Variants in MARCHF7 observed in about 807,000 individuals in gnomAD.
MARCHF7 encodes the protein membrane associated ring-CH-type finger 7, also known as E3 ubiquitin-protein ligase MARCHF7.
Under a neutral mutation model 76.5 loss-of-function variants are expected in MARCHF7, and 20 were observed. The observed-to-expected ratio is 0.26, with a 90% CI of 0.18 to 0.38. MARCHF7 has a LOEUF of 0.38. Ranked by LOEUF, MARCHF7 falls within the 10% of genes least tolerant of loss-of-function variation. MARCHF7 has a pLI of 1.00. For synonymous variants in MARCHF7, 295 were observed against 293.0 expected, an observed-to-expected ratio of 1.01 and a Z score of -0.07; for missense variants, 797 against 812.9, an observed-to-expected ratio of 0.98 and a Z score of 0.24.
intron 5 of MARCHF7, among the ~76,000 whole-genome samples, chr2:159,743,903 G>A (rs59231221): frequency 0.33 from 47,685 of 146,614 alleles, 9,505 homozygotes; most frequent in Admixed American, 0.49. Flanking sequence ...GCAAGACTCT[G>A]TTTCTTAAAC....
At chr2:159,735,217 T>A (rs1019170254) in intron 4 of MARCHF7, among the ~76,000 whole-genome samples, 1 of 152,204 alleles carries the variant, frequency 6.6e-6, no homozygotes, top group African/African-American at 2.4e-5. Context: ...GTCAAGTCAT[T>A]AACTCATGGA....
intron 1 of MARCHF7, among the ~76,000 whole-genome samples, chr2:159,714,171 A>G (rs62173022): frequency 0.074 from 11,342 of 152,274 alleles, 873 homozygotes; most frequent in African/African-American, 0.19. Context: ...TATCTGCTCT[A>G]TGTTCAAGAA....
intron 4 of MARCHF7, among the ~76,000 whole-genome samples, chr2:159,736,520 T>A (rs1003058003): frequency 6.6e-6 from 1 of 152,236 alleles, no homozygotes; most frequent in African/African-American, 2.4e-5. Context: ...ACAAGCTCCT[T>A]ATTGGATACA....
intron 8 of MARCHF7, among the ~76,000 whole-genome samples, chr2:159,755,297 TG>T (rs35866637): frequency 0.34 from 52,311 of 151,884 alleles, 9,202 homozygotes; most frequent in South Asian, 0.44. Context: ...TGAACTGAGT[TG>T]GTGACTGAGG....
chr2:159,756,706 A>C (rs1352219115), intron 8 of MARCHF7, among the ~76,000 whole-genome samples: 5 of 151,084 alleles, frequency 3.3e-5, no homozygotes, highest in South Asian at 2.1e-4. Flanking sequence ...AAAAAAAAAA[A>C]AAAAAAAACA....
intron 3 of MARCHF7, among the ~76,000 whole-genome samples, chr2:159,722,894 T>G (rs1197047923): frequency 6.6e-6 from 1 of 152,194 alleles, no homozygotes; most frequent in East Asian, 1.9e-4. Flanking sequence ...GAGGTTTGTT[T>G]TAAGCAGATT....
At chr2:159,732,279 A>G (rs1473359896) in intron 4 of MARCHF7, among the ~76,000 whole-genome samples, 1 of 152,178 alleles carries the variant, frequency 6.6e-6, no homozygotes, top group African/African-American at 2.4e-5. Flanking sequence ...CAAACATCCA[A>G]AAACCAAGTA....
chr2:159,748,348 G>T lies in MARCHF7; in HGVS notation c.1058G>T (p.Arg353Leu), dbSNP rs771933297. 5.0e-6 allele frequency: 8 copies of T among 1,613,536 alleles called. No homozygotes were observed. The highest frequency in any genetic ancestry group is 5.9e-6 in the Non-Finnish European group (7 of 1,179,994). Residue 353 changes from arginine (R) to leucine (L), a missense_variant, in exon 7 of 12, where the codon CGA (arginine) becomes CTA (leucine). This residue lies in a region of MARCHF7 where 643 missense variants were observed against 631.5 expected (regional missense o/e 1.02). Transcript: ENST00000409175. ...EASQGFRFLR[R>L]RWGLSSLSHN... ...TCTCAGGGATTTCGATTTCTTAGGCGAAGATGGGGTTTGTCATCTCTTAGC... is the reference window on the plus strand; with the variant it reads ...TCTCAGGGATTTCGATTTCTTAGGCTAAGATGGGGTTTGTCATCTCTTAGC...
rs901185480 is a variant in MARCHF7, at chr2:159,743,043, A to G, written c.154-18A>G. 6.3e-7 allele frequency: 1 copy of G among 1,597,564 alleles called. No homozygotes were observed. Among genetic ancestry groups the G allele is most frequent in the Middle Eastern group, 1.7e-4 (1 of 5,974 alleles). On this transcript the variant is annotated intron_variant, in intron 4 of 11. Coordinates refer to ENST00000409175, the MANE Select transcript of MARCHF7 (RefSeq NM_001282805.2). ...AATGCAGCCTTTTGTTGTTTAAAAA[A>G]TTTTTTTGAACTCACAGTCTACATC...
rs764164272 is a variant in MARCHF7 at position 159,745,974 on chromosome 2, T to A, written c.514+37T>A. On this transcript the variant is annotated intron_variant, in intron 6 of 11. Transcript: ENST00000409175. Reference sequence around the variant, plus strand: ...TTACATCAAGTATAACTTCTCATAATGTTCCATTTTCCTCTTTATGCATGT... The same window carrying A: ...TTACATCAAGTATAACTTCTCATAAAGTTCCATTTTCCTCTTTATGCATGT... 48 of 1,552,998 alleles carry A rather than the reference T, an allele frequency of 3.1e-5. No homozygotes were observed. In the East Asian group the frequency reaches 1.1e-3, roughly 35 times the overall value.
rs1553788840 is a variant in MARCHF7 at position 159,767,239 on chromosome 2, A to G, written c.2057-45A>G. 1.6e-5 allele frequency: 22 copies of G among 1,392,260 alleles called. 1 individual carries two copies. The South Asian group carries it at 2.6e-4, about 16-fold the overall frequency. 86.2% of individuals were successfully genotyped at this position (1,392,260 alleles called of 1,614,324 possible). A position where few individuals can be genotyped will look rare whatever the true frequency, so the allele number is the denominator to read the frequency against. On this transcript the variant is annotated intron_variant, in intron 11 of 11. Coordinates refer to ENST00000409175, the MANE Select transcript of MARCHF7 (RefSeq NM_001282805.2). ...CTTCATATTTACACTTCCCATTCTT[A>G]TCCCCCTTAAAATCATTCTTGATCA...
chr2:159,764,255 T>TGTGTGTGTGTGTGCGCGCGCGC (rs10592175), intron 10 of MARCHF7, among the ~76,000 whole-genome samples: 1 of 131,370 alleles, frequency 7.6e-6, no homozygotes, highest in African/African-American at 3.0e-5. Context: ...TGTGTGTGTG[T>TGTGTGTGTGTGTGCGCGCGCGC]GCGCGCGCCC....
At chr2:159,762,799 G>A (rs1707273132) in intron 9 of MARCHF7, 81 bp from the exon 10 acceptor site, 1 of 734,104 alleles carries the variant, frequency 1.4e-6, no homozygotes, top group Admixed American at 2.3e-5. Flanking sequence ...GTTTATCAGT[G>A]TACTGTGAGT....
At position 159,730,569 on chromosome 2, in the gene MARCHF7, G is replaced by A. The variant is rs545966525; in HGVS notation, c.153+1394G>A. ...ATTTTATTTTAAACTGCAGCTCAGCGGAACCTAGTCTCATTTTAAATGTCA... is the reference window on the plus strand; with the variant it reads ...ATTTTATTTTAAACTGCAGCTCAGCAGAACCTAGTCTCATTTTAAATGTCA... On this transcript the variant is annotated intron_variant, in intron 4 of 11. Transcript: ENST00000409175. 3.5e-4 allele frequency among the ~76,000 whole-genome samples: 54 copies of A among 152,194 alleles called. No homozygotes were observed. The South Asian group carries it at 4.8e-3, about 13-fold the overall frequency.
At chr2:159,764,554 CCTATA>C in intron 10 of MARCHF7, 67 bp from the exon 11 acceptor site, 4 of 1,227,618 alleles carry the variant, frequency 3.3e-6, no homozygotes, top group Non-Finnish European at 4.6e-6. Flanking sequence ...AAATGAATCT[CCTATA>C]CTGATTCTCT....
At chr2:159,733,983 C>G in intron 4 of MARCHF7, 1 of 1,315,462 alleles carries the variant, frequency 7.6e-7, no homozygotes, top group East Asian at 2.8e-5. Flanking sequence ...CTGCGCTTCA[C>G]CTGCTACTAA....
chr2:159,738,993 G>A (rs527849098), intron 4 of MARCHF7, among the ~76,000 whole-genome samples: 7 of 152,222 alleles, frequency 4.6e-5, no homozygotes, highest in Admixed American at 2.0e-4. Flanking sequence ...CCAGACGGGG[G>A]CCAAGGTAGC....
intron 3 of MARCHF7, among the ~76,000 whole-genome samples, chr2:159,722,147 T>G (rs943362532): frequency 1.3e-5 from 2 of 152,200 alleles, no homozygotes; most frequent in African/African-American, 4.8e-5. Context: ...TTTTTTCTTT[T>G]TTTGTTTTTG....
At chr2:159,767,246 T>TGTTTTCTTTCAGGA in intron 11 of MARCHF7, 38 bp from the exon 12 acceptor site, 1 of 1,516,198 alleles carries the variant, frequency 6.6e-7, no homozygotes, top group Non-Finnish European at 9.1e-7. Context: ...CTTATCCCCC[T>TGTTTTCTTTCAGGA]TAAAATCATT....
Sources: gnomAD v4.1 joint callset for allele counts (sites outside exome capture counted in the v4.1 genomes callset) on GRCh38, gnomAD v4.1.1 for gene constraint, gnomAD v4.1.1 regional missense constraint, MANE v1.5 for transcripts, NCBI Gene and HGNC (gene_info 2026-07-23, HGNC 2026-07-21) for gene names.